The following SNX24 variants were observed in gnomAD, a reference collection of about 807,000 sequenced individuals.
The protein encoded by SNX24 is sorting nexin-24.
A neutral mutation model predicts 28.7 loss-of-function variants in SNX24; 22 were observed. The observed-to-expected ratio is 0.77, with a 90% CI of 0.55 to 1.10. The LOEUF is 1.10. Among genes scored for constraint, SNX24 ranks in the 50% least tolerant of loss-of-function variants. SNX24 has a pLI of 0.00. For synonymous variants in SNX24, 69 were observed against 71.5 expected, an observed-to-expected ratio of 0.96 and a Z score of 0.18; for missense variants, 221 against 201.1, an observed-to-expected ratio of 1.10 and a Z score of -0.60.
At chr5:122,886,410 A>T (rs942331253) in intron 1 of SNX24, among the ~76,000 whole-genome samples, 1 of 152,116 alleles carries the variant, frequency 6.6e-6, no homozygotes, top group African/African-American at 2.4e-5. Context: ...ATAGTTCTTT[A>T]TCTGTCTTTT....
At chr5:122,855,972 T>G (rs1331236785) in intron 1 of SNX24, among the ~76,000 whole-genome samples, 1 of 152,172 alleles carries the variant, frequency 6.6e-6, no homozygotes, top group African/African-American at 2.4e-5. Flanking sequence ...TTTTATTTAT[T>G]TACTTATTTT....
intron 3 of SNX24, among the ~76,000 whole-genome samples, chr5:122,953,594 T>C (rs547187001): frequency 6.6e-6 from 1 of 152,098 alleles, no homozygotes; most frequent in South Asian, 2.1e-4. Flanking sequence ...ATTTGAGGGT[T>C]GTTTAGTGGG....
intron 1 of SNX24, among the ~76,000 whole-genome samples, chr5:122,851,464 G>C (rs1754915589): frequency 1.3e-5 from 2 of 151,950 alleles, no homozygotes; most frequent in African/African-American, 2.4e-5. Flanking sequence ...ACCACACCCA[G>C]ACTTAGACTT....
chr5:122,944,193 T>A (rs1319677171), intron 2 of SNX24, among the ~76,000 whole-genome samples: 2 of 152,344 alleles, frequency 1.3e-5, no homozygotes, highest in East Asian at 1.9e-4. Context: ...TTTAATGTCC[T>A]CATCTTAGCA....
At chr5:122,855,290 G>A (rs552475589) in intron 1 of SNX24, among the ~76,000 whole-genome samples, 2 of 152,138 alleles carry the variant, frequency 1.3e-5, no homozygotes, top group African/African-American at 4.8e-5. Flanking sequence ...GGCTGGTCTC[G>A]AACTCCTGAC....
At chr5:122,936,583 C>T in intron 1 of SNX24, 151 bp from the exon 2 acceptor site, 1 of 450,778 alleles carries the variant, frequency 2.2e-6, no homozygotes, top group Non-Finnish European at 4.1e-6. Flanking sequence ...TTAATCAGTG[C>T]TGTTGGGCCA....
intron 1 of SNX24, among the ~76,000 whole-genome samples, chr5:122,902,872 C>T (rs77071403): frequency 0.013 from 2,028 of 152,276 alleles, 39 homozygotes; most frequent in African/African-American, 0.032. Context: ...TTCCCCCAGA[C>T]TCAACTGAGT....
intron 1 of SNX24, among the ~76,000 whole-genome samples, chr5:122,894,346 A>T (rs749260644): frequency 6.6e-6 from 1 of 152,002 alleles, no homozygotes; most frequent in African/African-American, 2.4e-5. Flanking sequence ...ATATATCTCC[A>T]TCTCTTGTTA....
chr5:123,001,419 CAG>C lies in SNX24; in HGVS notation c.362_363del (p.Glu121ValfsTer2), dbSNP rs747440975. Reference sequence around the variant, plus strand: ...AAAACTTTTAGATCTTTTGATGAAACAGAGTCTGAAGAGTCAAGGTAAGGACT... The same window carrying C: ...AAAACTTTTAGATCTTTTGATGAAACAGTCTGAAGAGTCAAGGTAAGGACT... On this transcript the variant is annotated frameshift_variant, in exon 5 of 7. Coordinates refer to ENST00000261369, the MANE Select transcript of SNX24 (RefSeq NM_014035.4). LOFTEE classifies it high-confidence loss of function. 2.5e-6 allele frequency: 4 copies of C among 1,605,148 alleles called. No individual in the cohort carries two copies. The highest frequency in any genetic ancestry group is 4.5e-5 in the East Asian group (2 of 44,796).
chr5:122,955,585 A>G (rs1760169084), intron 3 of SNX24, among the ~76,000 whole-genome samples: 1 of 152,188 alleles, frequency 6.6e-6, no homozygotes, highest in South Asian at 2.1e-4. Context: ...TGTTTTTCCC[A>G]GGTTAAGGTA....
intron 6 of SNX24, among the ~76,000 whole-genome samples, chr5:123,003,705 A>G (rs371530346): frequency 8.5e-5 from 13 of 152,374 alleles, no homozygotes; most frequent in African/African-American, 3.1e-4. Context: ...TGGCTTGGAC[A>G]GTGAAGAACA....
chr5:122,948,993 A>G (rs531816960), intron 3 of SNX24, among the ~76,000 whole-genome samples: 6 of 152,368 alleles, frequency 3.9e-5, no homozygotes, highest in East Asian at 3.9e-4. Context: ...TTTTAAATCA[A>G]TAACTTGAAT....
At chr5:122,974,403 G>A (rs141903204) in intron 3 of SNX24, among the ~76,000 whole-genome samples, 5 of 152,354 alleles carry the variant, frequency 3.3e-5, no homozygotes, top group Admixed American at 3.3e-4. Flanking sequence ...ACAAGATTAT[G>A]ACACAAAATC....
At chr5:122,917,319 GC>G (rs1758222322) in intron 1 of SNX24, among the ~76,000 whole-genome samples, 1 of 151,808 alleles carries the variant, frequency 6.6e-6, no homozygotes, top group Non-Finnish European at 1.5e-5. Flanking sequence ...CTTCTGAAAT[GC>G]CAAAGGGGAA....
chr5:122,873,758 A>C (rs2150053964), intron 1 of SNX24, among the ~76,000 whole-genome samples: 1 of 146,474 alleles, frequency 6.8e-6, no homozygotes, highest in African/African-American at 2.5e-5. Flanking sequence ...TTCAAAGGGA[A>C]TCTTTTTTTT....
intron 1 of SNX24, among the ~76,000 whole-genome samples, chr5:122,894,338 A>G (rs984869962): frequency 1.6e-4 from 25 of 152,152 alleles, no homozygotes; most frequent in African/African-American, 6.0e-4. Flanking sequence ...TATCCCTAAT[A>G]TATCTCCATC....
intron 3 of SNX24, among the ~76,000 whole-genome samples, chr5:122,978,633 C>A (rs78524208): frequency 0.03 from 4,589 of 152,176 alleles, 130 homozygotes; most frequent in East Asian, 0.04. Context: ...ATATAGTTTT[C>A]TTTGTTGGGA....
intron 1 of SNX24, among the ~76,000 whole-genome samples, chr5:122,901,257 TGTACCTAA>T (rs895977889): frequency 6.6e-6 from 1 of 152,062 alleles, no homozygotes; most frequent in African/African-American, 2.4e-5. Flanking sequence ...ACTATTGCAC[TGTACCTAA>T]GTTTTGGATC....
intron 1 of SNX24, among the ~76,000 whole-genome samples, chr5:122,890,149 A>G (rs998490891): frequency 6.6e-6 from 1 of 152,122 alleles, no homozygotes; most frequent in Non-Finnish European, 1.5e-5. Context: ...TTGGGGCTGG[A>G]AAACCTTCTT....
Sources: allele counts gnomAD v4.1 joint callset (sites outside exome capture counted in the v4.1 genomes callset), GRCh38; gene constraint gnomAD v4.1.1; transcripts MANE v1.5; gene names NCBI Gene and HGNC (gene_info 2026-07-23, HGNC 2026-07-21).